The following KIF2C variants were observed in gnomAD, a reference collection of about 807,000 sequenced individuals.
KIF2C encodes the protein kinesin-like protein KIF2C.
In KIF2C, 34 loss-of-function variants were observed where a neutral mutation model predicts 97.4. The ratio of observed to expected loss-of-function variants is 0.35; its 90% confidence interval spans 0.27 to 0.46. The LOEUF is 0.46. KIF2C is among the 20% of genes least tolerant of loss of function. The pLI is 1.00. For synonymous variants in KIF2C, 313 were observed against 318.2 expected, an observed-to-expected ratio of 0.98 and a Z score of 0.17; for missense variants, 750 against 907.6, an observed-to-expected ratio of 0.83 and a Z score of 2.23.
At position 44,756,000 on chromosome 1, in the gene KIF2C, C is replaced by T. The variant is rs372464474; in HGVS notation, c.814+17C>T. On this transcript the variant is annotated intron_variant, in intron 9 of 20. Transcript: ENST00000372224. ...ATAAGCAAGGTAAGTCCTGTTCAGT[C>T]AGGAAGAGGCTTCAGACTGACTAAT... The T allele has an allele frequency of 1.9e-6, 3 of 1,614,048 alleles. No individual in the cohort carries two copies. The highest frequency in any genetic ancestry group is 1.3e-5 in the African/African-American group (1 of 75,042).
At chr1:44,743,350 G>A (rs1649027467) in intron 2 of KIF2C, among the ~76,000 whole-genome samples, 1 of 152,174 alleles carries the variant, frequency 6.6e-6, no homozygotes, top group South Asian at 2.1e-4. Flanking sequence ...ATAAAGTGAG[G>A]ATGATAATAA....
At chr1:44,750,393 A>G in intron 4 of KIF2C, 49 bp from the exon 5 acceptor site, 2 of 1,328,034 alleles carry the variant, frequency 1.5e-6, no homozygotes, top group Non-Finnish European at 1.9e-6. Flanking sequence ...GCCCCTGACC[A>G]CCCTCGAGAT....
chr1:44,762,091 CTG>C (rs1187215560), intron 17 of KIF2C, 108 bp downstream of exon 17: 6 of 1,022,846 alleles, frequency 5.9e-6, no homozygotes, highest in Non-Finnish European at 6.2e-6. Flanking sequence ...GTATACTCCT[CTG>C]TGACTCTGAA....
intron 5 of KIF2C, among the ~76,000 whole-genome samples, chr1:44,752,814 CCA>C (rs1448347192): frequency 6.6e-6 from 1 of 152,226 alleles, no homozygotes; most frequent in African/African-American, 2.4e-5. Context: ...CTCCCTAAGA[CCA>C]GACCTGGCCT....
At position 44,758,154 on chromosome 1, in the gene KIF2C, A is replaced by G; in HGVS notation, c.1224+14A>G. The G allele has an allele frequency of 6.2e-7, 1 of 1,611,664 alleles. No homozygotes were observed. The highest frequency in any genetic ancestry group is 8.5e-7 in the Non-Finnish European group (1 of 1,177,946). ...TACAATGGGAAGGTAGCTGGCAGGA[A>G]GCCCCTTGTTTACACTGTTGGGGCC... is the stretch of plus-strand genomic sequence containing the variant. On this transcript the variant is annotated intron_variant, in intron 13 of 20. Transcript: ENST00000372224.
chr1:44,757,275 C>T (rs577166759), intron 10 of KIF2C, among the ~76,000 whole-genome samples: 1 of 152,232 alleles, frequency 6.6e-6, no homozygotes, highest in African/African-American at 2.4e-5. Context: ...GCTGTGTCTC[C>T]AGGGTCAGAG....
chr1:44,743,597 T>G (rs1649039833), intron 2 of KIF2C, among the ~76,000 whole-genome samples: 1 of 152,130 alleles, frequency 6.6e-6, no homozygotes, highest in Non-Finnish European at 1.5e-5. Context: ...GAGTCCATCC[T>G]GGGCAAATAC....
intron 7 of KIF2C, among the ~76,000 whole-genome samples, chr1:44,754,439 T>C (rs1453176433): frequency 6.6e-6 from 1 of 152,128 alleles, no homozygotes; most frequent in Non-Finnish European, 1.5e-5. Context: ...GTTGTACGTA[T>C]TTGGAGGGCA....
intron 1 of KIF2C, among the ~76,000 whole-genome samples, chr1:44,740,642 A>G (rs899012832): frequency 6.6e-6 from 1 of 152,032 alleles, no homozygotes; most frequent in Non-Finnish European, 1.5e-5. Flanking sequence ...TGTAGGCTCT[A>G]TCTCTCTTTT....
chr1:44,756,917 A>G (rs1338065397), intron 10 of KIF2C, among the ~76,000 whole-genome samples: 1 of 149,774 alleles, frequency 6.7e-6, no homozygotes, highest in Non-Finnish European at 1.5e-5. Context: ...TTTTATTTTT[A>G]TTTATTTATT....
chr1:44,753,786 GAA>G lies in KIF2C; in HGVS notation c.617_618del (p.Glu206GlyfsTer8), dbSNP rs1649659636. 3 of 1,612,486 alleles carry G rather than the reference GAA, an allele frequency of 1.9e-6. No individual in the cohort carries two copies. The African/African-American group carries it at 4.0e-5, about 22-fold the overall frequency. Reference protein sequence around the residue: ...KEVEKMKNKREEKKAQNSEMR... With the variant: ...KEVEKMKNKRXEKKAQNSEMR... The stretch of plus-strand genomic sequence containing the variant: ...AGTGGAAAAAATGAAGAACAAGCGA[GAA>G]GAGAAGAAGGCCCAGAACTCTGAAA... On this transcript the variant is annotated frameshift_variant, in exon 7 of 21. Transcript: ENST00000372224. LOFTEE classifies it high-confidence loss of function.
intron 4 of KIF2C, among the ~76,000 whole-genome samples, chr1:44,748,339 C>T (rs2148823850): frequency 6.6e-6 from 1 of 152,226 alleles, no homozygotes; most frequent in South Asian, 2.1e-4. Flanking sequence ...GATTCAGCTA[C>T]CTCAGGGACT....
At chr1:44,766,209 CAG>C (rs1291925858) in intron 19 of KIF2C, among the ~76,000 whole-genome samples, 1 of 152,044 alleles carries the variant, frequency 6.6e-6, no homozygotes, top group African/African-American at 2.4e-5. Flanking sequence ...GCCTGGGTGA[CAG>C]AGTGAGACTC....
rs144283761 is a variant in KIF2C at position 44,743,025 on chromosome 1, G to T, written c.165+2018G>T. Among the ~76,000 whole-genome samples, 896 of 152,312 alleles carry T rather than the reference G, an allele frequency of 5.9e-3. 9 individuals are homozygous for T. Among genetic ancestry groups the T allele is most frequent in the African/African-American group, 0.021 (858 of 41,566 alleles). Reference sequence around the variant, plus strand: ...TGAAGCAGCAAGATGGCACACATGGGGACCATGAAGAAGCTGGCCACGAGC... The same window carrying T: ...TGAAGCAGCAAGATGGCACACATGGTGACCATGAAGAAGCTGGCCACGAGC... On this transcript the variant is annotated intron_variant, in intron 2 of 20. Transcript: ENST00000372224.
intron 8 of KIF2C, among the ~76,000 whole-genome samples, chr1:44,755,107 C>T: frequency 6.6e-6 from 1 of 151,956 alleles, no homozygotes; most frequent in East Asian, 1.9e-4. Context: ...TAGATGCATT[C>T]CACCGCACCC....
intron 4 of KIF2C, among the ~76,000 whole-genome samples, chr1:44,750,053 G>C (rs1649423898): frequency 7.1e-6 from 1 of 141,712 alleles, no homozygotes; most frequent in Admixed American, 7.4e-5. Flanking sequence ...CTGCACACCA[G>C]CCTGGGCAAC....
At chr1:44,747,348 T>G (rs762756270) in intron 2 of KIF2C, 36 bp from the exon 3 acceptor site, 2 of 1,455,620 alleles carry the variant, frequency 1.4e-6, no homozygotes, top group African/African-American at 2.8e-5. Flanking sequence ...GATTGAACAA[T>G]GTTGTTTCAT....
chr1:44,749,383 C>T (rs1036136937), intron 4 of KIF2C, among the ~76,000 whole-genome samples: 2 of 152,038 alleles, frequency 1.3e-5, no homozygotes, highest in African/African-American at 2.4e-5. Context: ...TGCAGTGAGC[C>T]GAGATCATGC....
Position 44,750,477 on chromosome 1 carries a change from T to G in KIF2C, c.352T>G (p.Ser118Ala). The change falls in exon 5 of 21, where the codon TCA (serine) becomes GCA (alanine). Residue 118 changes from serine (S) to alanine (A), a missense_variant. Physicochemically the swap from Ser to Ala is moderately conservative, Grantham distance 99 (BLOSUM62 1). Coordinates refer to ENST00000372224, the MANE Select transcript of KIF2C (RefSeq NM_006845.4). Reference sequence around the variant, plus strand: ...CCGCTCCACTCGCATGTCCACTGTCTCAGAGCTTCGCATCACGGCTCAGGA... The same window carrying G: ...CCGCTCCACTCGCATGTCCACTGTCGCAGAGCTTCGCATCACGGCTCAGGA... ...RSRSTRMSTV[S>A]ELRITAQEND... 1 of 1,586,814 alleles carries G rather than the reference T, an allele frequency of 6.3e-7. No individual in the cohort carries two copies. Among genetic ancestry groups the G allele is most frequent in the South Asian group, 1.1e-5 (1 of 87,952 alleles).
Sources: allele counts gnomAD v4.1 joint callset (sites outside exome capture counted in the v4.1 genomes callset), GRCh38; gene constraint gnomAD v4.1.1; transcripts MANE v1.5; gene names NCBI Gene and HGNC (gene_info 2026-07-23, HGNC 2026-07-21).